The following HS3ST4 variants were observed in gnomAD, a reference collection of about 807,000 sequenced individuals.
HS3ST4 encodes heparan sulfate-glucosamine 3-sulfotransferase 4.
A neutral mutation model predicts 29.2 loss-of-function variants in HS3ST4; 17 were observed. The observed-to-expected ratio is 0.58, with a 90% confidence interval of 0.40 to 0.87. The LOEUF is 0.87. Among genes scored for constraint, HS3ST4 ranks in the 40% least tolerant of loss-of-function variants. HS3ST4 has a pLI of 0.00. For missense variants in HS3ST4, 627 were observed against 634.5 expected (o/e 0.99, Z 0.13); for synonymous variants, 314 against 285.7 (o/e 1.10, Z -1.00).
At chr16:26,078,839 A>C (rs1457720572) in intron 1 of HS3ST4, among the ~76,000 whole-genome samples, 1 of 152,252 alleles carries the variant, frequency 6.6e-6, no homozygotes, top group Non-Finnish European at 1.5e-5. Context: ...TTTCCCTTGA[A>C]AATTCCACGG....
At chr16:25,941,679 C>T (rs902289356) in intron 1 of HS3ST4, among the ~76,000 whole-genome samples, 3 of 152,020 alleles carry the variant, frequency 2.0e-5, no homozygotes, top group African/African-American at 7.2e-5. Flanking sequence ...GGGGTTTACG[C>T]CATTCTCCTG....
chr16:25,758,891 G>T (rs1334124885), intron 1 of HS3ST4, among the ~76,000 whole-genome samples: 1 of 151,976 alleles, frequency 6.6e-6, no homozygotes, highest in Non-Finnish European at 1.5e-5. Context: ...GGGAGGCGGA[G>T]GTTGCAGTGA....
chr16:26,035,946 A>T (rs573594844), intron 1 of HS3ST4, among the ~76,000 whole-genome samples: 6 of 152,226 alleles, frequency 3.9e-5, no homozygotes, highest in African/African-American at 7.2e-5. Flanking sequence ...AAAGCCAAAT[A>T]CAGGGCTGTT....
intron 1 of HS3ST4, among the ~76,000 whole-genome samples, chr16:26,070,118 T>C (rs961920649): frequency 6.7e-4 from 102 of 152,204 alleles, no homozygotes; most frequent in Admixed American, 2.2e-3. Context: ...TCTAGATCCC[T>C]GAGGAATTGC....
rs149785290 is a variant in HS3ST4, at chr16:25,869,348, T to C, written c.734+176197T>C. Among the ~76,000 whole-genome samples the C allele has an allele frequency of 1.9e-3, 287 of 151,720 alleles. 1 individual carries two copies. Among genetic ancestry groups the C allele is most frequent in the Middle Eastern group, 6.8e-3 (2 of 294 alleles). On this transcript the variant is annotated intron_variant, in intron 1 of 1. Transcript: ENST00000331351. Reference sequence around the variant, plus strand: ...GTGACGACTTTCCCCATGTAGGGAGTGGGAATGGTCAAAGAGGGTTCAGGG... The same window carrying C: ...GTGACGACTTTCCCCATGTAGGGAGCGGGAATGGTCAAAGAGGGTTCAGGG...
At chr16:25,952,621 G>A (rs1312324922) in intron 1 of HS3ST4, among the ~76,000 whole-genome samples, 1 of 152,114 alleles carries the variant, frequency 6.6e-6, no homozygotes, top group Non-Finnish European at 1.5e-5. Context: ...ACAGGGCCTG[G>A]CACATAAAAA....
intron 1 of HS3ST4, among the ~76,000 whole-genome samples, chr16:25,780,591 G>C (rs1966851766): frequency 1.3e-5 from 2 of 152,100 alleles, no homozygotes; most frequent in Admixed American, 1.3e-4. Flanking sequence ...TCCTTGCTTT[G>C]TCACTAACTC....
intron 1 of HS3ST4, among the ~76,000 whole-genome samples, chr16:26,124,632 C>T (rs1899318473): frequency 6.6e-6 from 1 of 152,130 alleles, no homozygotes; most frequent in African/African-American, 2.4e-5. Flanking sequence ...TGCCTGTGAC[C>T]CCTACACACT....
At position 26,136,477 on chromosome 16, in the gene HS3ST4, G is replaced by C; in HGVS notation, c.*229G>C. 1 of 571,686 alleles carries C rather than the reference G, an allele frequency of 1.7e-6. No individual in the cohort carries two copies. The highest frequency in any genetic ancestry group is 1.9e-5 in the African/African-American group (1 of 53,568). The allele number at this position is 571,686 out of a possible 1,614,324, so 35.4% of individuals were successfully genotyped here. ...CTGGGCAGCAGCATCTGGTTGACCA[G>C]ATGGCCACCAGAACCCACTGTTCAT... On this transcript the variant is annotated 3_prime_UTR_variant, in exon 2 of 2. Coordinates refer to ENST00000331351, the MANE Select transcript of HS3ST4 (RefSeq NM_006040.3).
At chr16:25,723,140 C>G (rs1262753742) in intron 1 of HS3ST4, among the ~76,000 whole-genome samples, 2 of 152,292 alleles carry the variant, frequency 1.3e-5, no homozygotes, top group African/African-American at 4.8e-5. Flanking sequence ...GTCCCTCCCC[C>G]ATGAGGGAAT....
Position 26,002,435 on chromosome 16 carries a change from C to G in HS3ST4, c.735-133177C>G, listed in dbSNP as rs1969219798. 3.3e-5 allele frequency among the ~76,000 whole-genome samples: 5 copies of G among 152,114 alleles called. 1 individual carries two copies. The South Asian group carries it at 1.0e-3, about 32-fold the overall frequency. Reference sequence around the variant, plus strand: ...AAGTGGGGCGTAGTTGGACCAAGTTCTAGTTTGTTTCTTATAGAGGAAATA... The same window carrying G: ...AAGTGGGGCGTAGTTGGACCAAGTTGTAGTTTGTTTCTTATAGAGGAAATA... On this transcript the variant is annotated intron_variant, in intron 1 of 1. Transcript: ENST00000331351.
At chr16:25,746,340 A>G (rs1386773155) in intron 1 of HS3ST4, among the ~76,000 whole-genome samples, 1 of 152,202 alleles carries the variant, frequency 6.6e-6, no homozygotes, top group East Asian at 1.9e-4. Context: ...TCAGGTCATA[A>G]TCTGGATCCT....
In HS3ST4 at chr16:26,010,261, C is replaced by T. The variant is rs189791555; in HGVS notation, c.735-125351C>T. ...CTGAGGTCAGGAGTTTGAGACCAGT[C>T]GGGCCAACATGGCAAAAGCCCGTCT... On this transcript the variant is annotated intron_variant, in intron 1 of 1. Coordinates refer to ENST00000331351, the MANE Select transcript of HS3ST4 (RefSeq NM_006040.3). Among the ~76,000 whole-genome samples, 742 of 152,142 alleles carry T rather than the reference C, an allele frequency of 4.9e-3. 4 individuals are homozygous for T. The highest frequency in any genetic ancestry group is 7.6e-3 in the Admixed American group (116 of 15,294).
chr16:25,802,374 T>C (rs1397189525), intron 1 of HS3ST4, among the ~76,000 whole-genome samples: 1 of 152,142 alleles, frequency 6.6e-6, no homozygotes, highest in Non-Finnish European at 1.5e-5. Flanking sequence ...ATTTCTGGGC[T>C]CACTAAATGC....
intron 1 of HS3ST4, among the ~76,000 whole-genome samples, chr16:25,762,854 G>A (rs1966796575): frequency 7.9e-6 from 1 of 126,138 alleles, no homozygotes; most frequent in African/African-American, 3.1e-5. Flanking sequence ...TCCAGCCTGG[G>A]TGACAGAGCA....
At chr16:25,865,760 G>A (rs1967687702) in intron 1 of HS3ST4, among the ~76,000 whole-genome samples, 1 of 152,106 alleles carries the variant, frequency 6.6e-6, no homozygotes. Context: ...TGGGAAAACT[G>A]GATACCCACA....
intron 1 of HS3ST4, among the ~76,000 whole-genome samples, chr16:25,864,751 T>C (rs896055481): frequency 6.6e-6 from 1 of 152,076 alleles, no homozygotes; most frequent in African/African-American, 2.4e-5. Context: ...TAATATTCCA[T>C]TGTGTATATA....
chr16:25,991,350 T>G (rs957478787), intron 1 of HS3ST4, among the ~76,000 whole-genome samples: 6 of 152,208 alleles, frequency 3.9e-5, no homozygotes, highest in Non-Finnish European at 7.3e-5. Context: ...ATATGATATT[T>G]AACACGTTTA....
chr16:25,981,609 C>CTTTTTTTT (rs376892231), intron 1 of HS3ST4, among the ~76,000 whole-genome samples: 1 of 136,826 alleles, frequency 7.3e-6, no homozygotes, highest in African/African-American at 2.7e-5. Context: ...TGGTGGAGTT[C>CTTTTTTTT]TTTTTTTTTT....
Sources: gnomAD v4.1 joint callset for allele counts (sites outside exome capture counted in the v4.1 genomes callset) on GRCh38, gnomAD v4.1.1 for gene constraint, MANE v1.5 for transcripts, NCBI Gene and HGNC (gene_info 2026-07-23, HGNC 2026-07-21) for gene names.